Variants in PRKCA observed in about 807,000 individuals in gnomAD.
The protein encoded by PRKCA is protein kinase C alpha.
PRKCA carries 27 observed loss-of-function variants against 87.0 expected under a neutral mutation model. The observed-to-expected ratio is 0.31, with a 90% CI of 0.23 to 0.43. The LOEUF (loss-of-function observed/expected upper bound fraction) is 0.43. Among genes scored for constraint, PRKCA ranks in the 20% least tolerant of loss-of-function variants. The pLI, the probability that PRKCA is intolerant of heterozygous loss-of-function variation, is 1.00. For missense variants in PRKCA, 518 were observed against 852.3 expected, an observed-to-expected ratio of 0.61 and a Z score of 4.88; for synonymous variants, 329 against 311.1, an observed-to-expected ratio of 1.06 and a Z score of -0.61.
chr17:66,573,553 C>T (rs2143408286), intron 3 of PRKCA, among the ~76,000 whole-genome samples: 1 of 152,266 alleles, frequency 6.6e-6, no homozygotes, highest in South Asian at 2.1e-4. Context: ...ATGCTGCATG[C>T]TCATTACAGG....
At chr17:66,754,466 G>T (rs1200488974) in intron 13 of PRKCA, among the ~76,000 whole-genome samples, 2 of 152,126 alleles carry the variant, frequency 1.3e-5, no homozygotes, top group Non-Finnish European at 2.9e-5. Context: ...ACTTGAGCTT[G>T]CTGTGCCTCG....
intron 8 of PRKCA, among the ~76,000 whole-genome samples, chr17:66,694,888 A>G (rs1972878664): frequency 6.7e-6 from 1 of 149,934 alleles, no homozygotes; most frequent in Non-Finnish European, 1.5e-5. Flanking sequence ...TAAGCTTAGT[A>G]TTTTTGTTTC....
intron 13 of PRKCA, among the ~76,000 whole-genome samples, chr17:66,754,924 C>T (rs1197789490): frequency 6.6e-6 from 1 of 152,100 alleles, no homozygotes; most frequent in African/African-American, 2.4e-5. Flanking sequence ...TTACCTCCCT[C>T]AAGGCCTTAC....
At chr17:66,680,366 C>T (rs1352093735) in intron 5 of PRKCA, among the ~76,000 whole-genome samples, 1 of 152,112 alleles carries the variant, frequency 6.6e-6, no homozygotes, top group Non-Finnish European at 1.5e-5. Context: ...TCAGCACAGA[C>T]TGAACAATCC....
intron 2 of PRKCA, among the ~76,000 whole-genome samples, chr17:66,350,977 A>G (rs1187246786): frequency 6.6e-6 from 1 of 152,194 alleles, no homozygotes; most frequent in Non-Finnish European, 1.5e-5. Flanking sequence ...GATCTGCCAC[A>G]CTTCTCGTTT....
At chr17:66,417,999 G>A (rs189786162) in intron 2 of PRKCA, among the ~76,000 whole-genome samples, 203 of 152,222 alleles carry the variant, frequency 1.3e-3, no homozygotes, top group African/African-American at 4.8e-3. Context: ...CCCCAAATTA[G>A]CCATGTTTGA....
At chr17:66,461,161 A>G (rs2319528) in intron 2 of PRKCA, among the ~76,000 whole-genome samples, 9,404 of 148,740 alleles carry the variant, frequency 0.063, 994 homozygotes, top group African/African-American at 0.22. Context: ...CGCTATGTTC[A>G]CGTCACTGCA....
At chr17:66,660,424 G>A (rs1010031605) in intron 5 of PRKCA, among the ~76,000 whole-genome samples, 3 of 152,128 alleles carry the variant, frequency 2.0e-5, no homozygotes, top group Admixed American at 6.5e-5. Context: ...CTACCTAGGT[G>A]CCTGGAATTT....
At chr17:66,382,447 C>T (rs1414635074) in intron 2 of PRKCA, among the ~76,000 whole-genome samples, 12 of 151,996 alleles carry the variant, frequency 7.9e-5, no homozygotes, top group East Asian at 1.9e-4. Flanking sequence ...ACTACAGGCG[C>T]GTGCCACCAT....
intron 2 of PRKCA, among the ~76,000 whole-genome samples, chr17:66,377,701 T>TTATATA (rs1276051811): frequency 5.1e-5 from 4 of 77,942 alleles, no homozygotes; most frequent in African/African-American, 2.1e-4. Context: ...AGTCTATGTT[T>TTATATA]TATATATATA....
intron 3 of PRKCA, among the ~76,000 whole-genome samples, chr17:66,505,706 G>C (rs1916944890): frequency 1.3e-5 from 2 of 152,208 alleles, no homozygotes; most frequent in Admixed American, 6.5e-5. Context: ...AAAGAGGTGA[G>C]ATGATCAATT....
intron 2 of PRKCA, among the ~76,000 whole-genome samples, chr17:66,465,513 T>A (rs1009637908): frequency 1.3e-5 from 2 of 152,018 alleles, no homozygotes; most frequent in African/African-American, 4.8e-5. Flanking sequence ...CACCTCAGTC[T>A]CCTGAGTAGC....
intron 3 of PRKCA, among the ~76,000 whole-genome samples, chr17:66,605,763 C>T (rs933183806): frequency 6.6e-6 from 1 of 152,170 alleles, no homozygotes; most frequent in Non-Finnish European, 1.5e-5. Context: ...GAATGAAATA[C>T]AACACATGCT....
At chr17:66,447,387 C>T (rs1914087518) in intron 2 of PRKCA, among the ~76,000 whole-genome samples, 1 of 152,140 alleles carries the variant, frequency 6.6e-6, no homozygotes, top group African/African-American at 2.4e-5. Context: ...ATGGGGAGTC[C>T]TCTTGTGCAG....
At chr17:66,542,227 T>C (rs1201940147) in intron 3 of PRKCA, among the ~76,000 whole-genome samples, 1 of 152,228 alleles carries the variant, frequency 6.6e-6, no homozygotes, top group African/African-American at 2.4e-5. Flanking sequence ...AAATATGACC[T>C]TTTTCTTTCT....
intron 3 of PRKCA, among the ~76,000 whole-genome samples, chr17:66,522,850 G>A (rs559637717): frequency 2.0e-3 from 304 of 151,836 alleles, no homozygotes; most frequent in African/African-American, 6.2e-3. Context: ...AAAGGAAGAG[G>A]GCATTATTCA....
At chr17:66,460,555 A>G (rs1005181752) in intron 2 of PRKCA, among the ~76,000 whole-genome samples, 1 of 152,162 alleles carries the variant, frequency 6.6e-6, no homozygotes, top group Non-Finnish European at 1.5e-5. Context: ...GAGAAGAACT[A>G]AAATCACTCT....
At position 66,368,358 on chromosome 17, in the gene PRKCA, G is replaced by GTA. The variant is rs1207640910; in HGVS notation, c.205+62235_205+62236dup. On this transcript the variant is annotated intron_variant, in intron 2 of 16. Transcript: ENST00000413366. Reference sequence around the variant, plus strand: ...TATATATGTGTGTGTGTGTGTGTGTGTATATGTATATATATATATATATAT... The same window carrying GTA: ...TATATATGTGTGTGTGTGTGTGTGTGTATATATGTATATATATATATATATAT... Among the ~76,000 whole-genome samples, 82 of 42,532 alleles carry GTA rather than the reference G, an allele frequency of 1.9e-3. 1 individual carries two copies. Among genetic ancestry groups the GTA allele is most frequent in the Non-Finnish European group, 2.9e-3 (69 of 24,188 alleles). The allele number at this position is 42,532 out of a possible 152,430, so 27.9% of individuals were successfully genotyped here. A position where few individuals can be genotyped will look rare whatever the true frequency, so the allele number is the denominator to read the frequency against.
intron 8 of PRKCA, among the ~76,000 whole-genome samples, chr17:66,693,162 G>C (rs1012262204): frequency 2.2e-4 from 34 of 152,196 alleles, no homozygotes; most frequent in Non-Finnish European, 3.7e-4. Flanking sequence ...TCAGTGACTG[G>C]AGCTCTTAGG....
Sources: gnomAD v4.1 joint callset for allele counts (sites outside exome capture counted in the v4.1 genomes callset) on GRCh38, gnomAD v4.1.1 for gene constraint, MANE v1.5 for transcripts, NCBI Gene and HGNC (gene_info 2026-07-23, HGNC 2026-07-21) for gene names.